The following LDAH variants were observed in gnomAD, a reference collection of about 807,000 sequenced individuals.
The protein encoded by LDAH is lipid droplet associated hydrolase, also known as lipid droplet-associated hydrolase.
A neutral mutation model predicts 29.6 loss-of-function variants in LDAH; 26 were observed. That is an observed-to-expected ratio of 0.88 (90% CI 0.64 to 1.22). The LOEUF is 1.22. LDAH is among the 50% of genes most tolerant of loss of function. The probability of loss-of-function intolerance (pLI) is 0.00; values close to 1 mark genes in which losing one functional copy is unlikely to be tolerated. For missense variants in LDAH, 344 were observed against 387.3 expected (o/e 0.89, Z 0.94); for synonymous variants, 117 against 133.0 (o/e 0.88, Z 0.83).
At chr2:20,717,288 T>C (rs984565861) in intron 5 of LDAH, among the ~76,000 whole-genome samples, 27 of 152,164 alleles carry the variant, frequency 1.8e-4, no homozygotes, top group African/African-American at 5.3e-4. Context: ...AAAAAGACCA[T>C]ATTAAGAGAC....
intron 3 of LDAH, among the ~76,000 whole-genome samples, chr2:20,780,834 T>C (rs1218375387): frequency 2.0e-5 from 3 of 152,196 alleles, no homozygotes; most frequent in African/African-American, 7.2e-5. Flanking sequence ...TTCTAGGGAC[T>C]GTGAGCCCTG....
chr2:20,802,656 AC>A (rs1410239828), intron 1 of LDAH, among the ~76,000 whole-genome samples: 1 of 152,008 alleles, frequency 6.6e-6, no homozygotes, highest in Non-Finnish European at 1.5e-5. Context: ...TTCTCCTCTT[AC>A]CACTTTACAT....
intron 3 of LDAH, 124 bp downstream of exon 3, chr2:20,790,131 G>A: frequency 1.1e-6 from 1 of 928,484 alleles, no homozygotes; most frequent in Admixed American, 2.5e-5. Flanking sequence ...ACCAAAATAT[G>A]GCACCATGGG....
intron 5 of LDAH, among the ~76,000 whole-genome samples, chr2:20,729,758 T>A (rs755653631): frequency 5.9e-5 from 9 of 152,230 alleles, no homozygotes; most frequent in Non-Finnish European, 1.0e-4. Context: ...TGGTAATATC[T>A]TGCAAAACCA....
chr2:20,778,417 G>C (rs543923403), intron 3 of LDAH, among the ~76,000 whole-genome samples: 2 of 152,080 alleles, frequency 1.3e-5, no homozygotes, highest in South Asian at 4.1e-4. Flanking sequence ...CAAATTTGCT[G>C]CTCCAGTTAT....
chr2:20,713,911 G>A (rs950941890), intron 5 of LDAH, among the ~76,000 whole-genome samples: 13 of 152,192 alleles, frequency 8.5e-5, no homozygotes, highest in Non-Finnish European at 1.6e-4. Flanking sequence ...AAGAGACTTA[G>A]ACTCCCACAC....
intron 2 of LDAH, 58 bp downstream of exon 2, chr2:20,801,252 A>C (rs764628351): frequency 1.3e-6 from 2 of 1,536,328 alleles, no homozygotes; most frequent in Middle Eastern, 1.7e-4. Context: ...ATACTTTAAA[A>C]TCAGACATAG....
intron 5 of LDAH, among the ~76,000 whole-genome samples, chr2:20,731,767 T>C (rs1376379271): frequency 1.3e-5 from 2 of 152,138 alleles, no homozygotes; most frequent in African/African-American, 4.8e-5. Context: ...TTTGTGCTTA[T>C]CCTGTATCCT....
At chr2:20,735,742 G>C (rs913053893) in intron 5 of LDAH, among the ~76,000 whole-genome samples, 1 of 152,104 alleles carries the variant, frequency 6.6e-6, no homozygotes, top group African/African-American at 2.4e-5. Flanking sequence ...CTATGGCCAC[G>C]TAGGGTAGAG....
intron 1 of LDAH, among the ~76,000 whole-genome samples, chr2:20,810,498 G>T (rs1474668848): frequency 6.6e-6 from 1 of 152,212 alleles, no homozygotes; most frequent in East Asian, 1.9e-4. Context: ...ACTGAGAGGG[G>T]TCAGTAGAAG....
At chr2:20,687,180 G>T in intron 6 of LDAH, 86 bp from the exon 7 acceptor site, 1 of 1,107,496 alleles carries the variant, frequency 9.0e-7, no homozygotes, top group Non-Finnish European at 1.3e-6. Flanking sequence ...AGTGCTCTGA[G>T]GACAGCACCT....
chr2:20,768,946 T>C (rs564411574), intron 4 of LDAH, among the ~76,000 whole-genome samples: 1 of 152,338 alleles, frequency 6.6e-6, no homozygotes, highest in East Asian at 1.9e-4. Context: ...GCATGACTGC[T>C]ATCATCAGAG....
chr2:20,799,579 A>G (rs1409838874), intron 2 of LDAH, among the ~76,000 whole-genome samples: 1 of 152,144 alleles, frequency 6.6e-6, no homozygotes, highest in African/African-American at 2.4e-5. Flanking sequence ...GACTATGCCA[A>G]TTCTGTTGGT....
chr2:20,761,795 T>A (rs1200440174), intron 4 of LDAH, among the ~76,000 whole-genome samples: 1 of 151,966 alleles, frequency 6.6e-6, no homozygotes, highest in East Asian at 1.9e-4. Context: ...CAAAATTAAA[T>A]TTTTAAAAAA....
At chr2:20,731,444 T>G (rs1416871309) in intron 5 of LDAH, among the ~76,000 whole-genome samples, 1 of 152,182 alleles carries the variant, frequency 6.6e-6, no homozygotes, top group African/African-American at 2.4e-5. Flanking sequence ...TCCGCAGAAG[T>G]GGATGCCTCT....
At chr2:20,759,768 T>C (rs1460387722) in intron 4 of LDAH, among the ~76,000 whole-genome samples, 1 of 152,184 alleles carries the variant, frequency 6.6e-6, no homozygotes, top group African/African-American at 2.4e-5. Flanking sequence ...TGAGGCTCTA[T>C]GAATGTGCTC....
At chr2:20,704,710 C>G in intron 5 of LDAH, among the ~76,000 whole-genome samples, 1 of 152,172 alleles carries the variant, frequency 6.6e-6, no homozygotes, top group East Asian at 1.9e-4. Flanking sequence ...TCTCACTTCC[C>G]TGCCTCCCTT....
chr2:20,805,899 TATA>T (rs1672036452), intron 1 of LDAH, among the ~76,000 whole-genome samples: 1 of 113,180 alleles, frequency 8.8e-6, no homozygotes, highest in South Asian at 2.2e-4. Flanking sequence ...TCTATGTAAA[TATA>T]ATATTTATTT....
At chr2:20,799,173 A>T (rs1453905031) in intron 2 of LDAH, among the ~76,000 whole-genome samples, 1 of 152,128 alleles carries the variant, frequency 6.6e-6, no homozygotes, top group East Asian at 1.9e-4. Context: ...GGTTGCAGTG[A>T]GCTGAGATCA....
Sources: allele counts gnomAD v4.1 joint callset (sites outside exome capture counted in the v4.1 genomes callset), GRCh38; gene constraint gnomAD v4.1.1; transcripts MANE v1.5; gene names NCBI Gene and HGNC (gene_info 2026-07-23, HGNC 2026-07-21).